SYBU: variants seen among roughly 807,000 people sequenced by gnomAD.
SYBU encodes the protein syntabulin, also known as GOLSYN A protein.
SYBU carries 21 observed loss-of-function variants against 35.9 expected under a neutral mutation model. The ratio of observed to expected loss-of-function variants is 0.58; its 90% CI spans 0.41 to 0.84. The LOEUF is 0.84. Among genes scored for constraint, SYBU ranks in the 40% least tolerant of loss-of-function variants. The probability of loss-of-function intolerance (pLI) is 0.00; values close to 1 mark genes in which losing one functional copy is unlikely to be tolerated. For missense variants in SYBU, 768 were observed against 848.2 expected, an observed-to-expected ratio of 0.91 and a Z score of 1.17; for synonymous variants, 319 against 324.3, an observed-to-expected ratio of 0.98 and a Z score of 0.18.
At chr8:109,684,128 T>C (rs1031081030), upstream of SYBU, among the ~76,000 whole-genome samples, 1 of 152,244 alleles carries the variant, frequency 6.6e-6, no homozygotes, top group African/African-American at 2.4e-5. Flanking sequence ...AGATTGTCTT[T>C]GGTGTTTTCC....
chr8:109,598,426 T>C (rs999648404), intron 3 of SYBU, among the ~76,000 whole-genome samples: 1 of 152,222 alleles, frequency 6.6e-6, no homozygotes, highest in African/African-American at 2.4e-5. Flanking sequence ...ATCCACTCTT[T>C]CATTAATGAC....
chr8:109,576,042 T>TAAAAAAA (rs71305959), intron 6 of SYBU, 29 bp from the exon 7 acceptor site: 65 of 846,512 alleles, frequency 7.7e-5, no homozygotes, highest in Middle Eastern at 4.2e-4. Context: ...CATGGTTAAT[T>TAAAAAAA]AAAAAAAAAA....
upstream of SYBU, among the ~76,000 whole-genome samples, chr8:109,684,245 A>C (rs1269396866): frequency 6.6e-6 from 1 of 152,212 alleles, no homozygotes; most frequent in African/African-American, 2.4e-5. Context: ...GTCCAGATGC[A>C]AATTTAAGAA....
upstream of SYBU, chr8:109,645,376 G>A (rs1391121013): frequency 4.4e-6 from 2 of 456,170 alleles, no homozygotes; most frequent in Middle Eastern, 3.3e-4. Context: ...ACTTGGAAGG[G>A]GTTGCATCAG....
At chr8:109,641,418 G>C (rs1814864195) in intron 2 of SYBU, among the ~76,000 whole-genome samples, 1 of 152,216 alleles carries the variant, frequency 6.6e-6, no homozygotes, top group African/African-American at 2.4e-5. Context: ...CAACTTCACA[G>C]CCACTCTACA....
At position 109,579,818 on chromosome 8, in the gene SYBU, C is replaced by T. The variant is rs769986186; in HGVS notation, c.715G>A (p.Asp239Asn). 1.4e-5 allele frequency: 22 copies of T among 1,613,730 alleles called. No homozygotes were observed. Among genetic ancestry groups the T allele is most frequent in the Non-Finnish European group, 1.6e-5 (19 of 1,179,956 alleles). The change falls in exon 5 of 7, where the codon GAC (aspartate) becomes AAC (asparagine). Residue 239 changes from aspartate to asparagine, a missense_variant. Transcript: ENST00000276646. ...SSNSGSYKGS[D>N]CSPIMRRSGR... ...ACTCACCTCATGATGGGGCTACAGT[C>T]GCTTCCTTTGTAGGAGCCTGAGTTG...
intron 1 of SYBU, among the ~76,000 whole-genome samples, chr8:109,657,653 C>G (rs1816405239): frequency 6.6e-6 from 1 of 152,138 alleles, no homozygotes; most frequent in Non-Finnish European, 1.5e-5. Flanking sequence ...GGGAATTTGT[C>G]TTTGTAGTTT....
At chr8:109,622,271 G>A (rs986509219) in intron 2 of SYBU, among the ~76,000 whole-genome samples, 16 of 150,638 alleles carry the variant, frequency 1.1e-4, no homozygotes, top group African/African-American at 2.7e-4. Context: ...TCGCTCTGTC[G>A]CCTAGGCTGC....
intron 2 of SYBU, among the ~76,000 whole-genome samples, chr8:109,641,500 G>T (rs1232586062): frequency 6.6e-6 from 1 of 152,222 alleles, no homozygotes; most frequent in African/African-American, 2.4e-5. Context: ...CTTGCTGAAG[G>T]TCACACAGTA....
chr8:109,691,486 C>T lies in SYBU; in HGVS notation c.-211G>A, dbSNP rs1369477595. ...CAGGCCCGGGGAGCCGGGCCCGGCC[C>T]GCTCCGCCCGCCTTAGCCCGGCTTG... On this transcript the variant is annotated 5_prime_UTR_variant, in exon 1 of 8. Transcript: ENST00000422135. This position sits in a 1 kb window ranked among gnomAD's most constrained non-coding sequence, Gnocchi z 4.7. 5.7e-6 allele frequency: 3 copies of T among 529,468 alleles called. No individual in the cohort carries two copies. The highest frequency in any genetic ancestry group is 4.1e-5 in the African/African-American group (2 of 48,990). 32.8% of individuals were successfully genotyped at this position (529,468 alleles called of 1,614,324 possible). A position where few individuals can be genotyped will look rare whatever the true frequency, so the allele number is the denominator to read the frequency against.
At chr8:109,589,727 A>G (rs919506324) in intron 3 of SYBU, among the ~76,000 whole-genome samples, 2 of 152,232 alleles carry the variant, frequency 1.3e-5, no homozygotes, top group African/African-American at 4.8e-5. Context: ...AAACAAAAAG[A>G]ATACGTGCCC....
upstream of SYBU, chr8:109,646,055 A>C (rs1815663225): frequency 6.6e-6 from 1 of 152,234 alleles, no homozygotes; most frequent in Non-Finnish European, 1.5e-5. Flanking sequence ...AAATTTGTTT[A>C]AGAAAGCTCG....
intron 1 of SYBU, among the ~76,000 whole-genome samples, chr8:109,679,939 C>A (rs752578029): frequency 2.0e-5 from 3 of 152,148 alleles, no homozygotes; most frequent in Admixed American, 1.3e-4. Context: ...TAAACCATTA[C>A]CTTCATGGTA....
At chr8:109,621,370 A>G (rs1239595245) in intron 2 of SYBU, among the ~76,000 whole-genome samples, 4 of 152,186 alleles carry the variant, frequency 2.6e-5, no homozygotes, top group Admixed American at 2.6e-4. Context: ...TTTAACCTGG[A>G]GTGTGATGCC....
At chr8:109,595,686 C>T (rs1015639625) in intron 3 of SYBU, among the ~76,000 whole-genome samples, 6 of 152,148 alleles carry the variant, frequency 3.9e-5, no homozygotes, top group Non-Finnish European at 7.3e-5. Context: ...CAATTCAGGA[C>T]TGTAGCATGC....
At chr8:109,684,894 C>G (rs1376385078), upstream of SYBU, among the ~76,000 whole-genome samples, 1 of 152,166 alleles carries the variant, frequency 6.6e-6, no homozygotes, top group African/African-American at 2.4e-5. Context: ...AGGAAAATGA[C>G]TTCTCTACTG....
At position 109,642,936 on chromosome 8, in the gene SYBU, A is replaced by G; in HGVS notation, c.25-4T>C. 1 of 1,466,832 alleles carries G rather than the reference A, an allele frequency of 6.8e-7. No individual in the cohort carries two copies. The highest frequency in any genetic ancestry group is 9.1e-7 in the Non-Finnish European group (1 of 1,103,580). The allele number at this position is 1,466,832 out of a possible 1,614,324, so 90.9% of individuals were successfully genotyped here. A position where few individuals can be genotyped will look rare whatever the true frequency, so the allele number is the denominator to read the frequency against. On this transcript the variant is annotated splice_region_variant and splice_polypyrimidine_tract_variant and intron_variant, in intron 1 of 6. Coordinates refer to ENST00000276646, the MANE Select transcript of SYBU (RefSeq NM_001099754.2). ...GATGCTGCACTCTGTGCTCCTTCTC[A>G]AAATTGGACATCAAAAAAGAAAACA...
intron 3 of SYBU, among the ~76,000 whole-genome samples, chr8:109,597,561 A>AG (rs371938520): frequency 6.6e-6 from 1 of 151,890 alleles, no homozygotes; most frequent in African/African-American, 2.4e-5. Context: ...CTGAAAAAAA[A>AG]AAAATTAGCC....
intron 3 of SYBU, among the ~76,000 whole-genome samples, chr8:109,611,465 C>T (rs115076896): frequency 0.023 from 3,570 of 152,238 alleles, 140 homozygotes; most frequent in African/African-American, 0.08. Context: ...CCACTTATCA[C>T]ATTTAAGCTT....
Sources: gnomAD v4.1 joint callset for allele counts (sites outside exome capture counted in the v4.1 genomes callset) on GRCh38, gnomAD v4.1.1 for gene constraint, Gnocchi (gnomAD v3.1) non-coding constraint, MANE v1.5 for transcripts, NCBI Gene and HGNC (gene_info 2026-07-23, HGNC 2026-07-21) for gene names.